The following PGS1 variants were observed in gnomAD, a reference collection of about 807,000 sequenced individuals.
The protein encoded by PGS1 is phosphatidylglycerophosphate synthase 1, also known as CDP-diacylglycerol--glycerol-3-phosphate 3-phosphatidyltransferase, mitochondrial.
PGS1 carries 44 observed loss-of-function variants against 58.3 expected under a neutral mutation model. The ratio of observed to expected loss-of-function variants is 0.75; its 90% CI spans 0.59 to 0.97. The LOEUF (loss-of-function observed/expected upper bound fraction) is 0.97, where lower values mean the gene tolerates loss of function less well. PGS1 is among the 50% of genes least tolerant of loss of function. The probability of loss-of-function intolerance (pLI) is 0.00; values close to 1 mark genes in which losing one functional copy is unlikely to be tolerated. For synonymous variants in PGS1, 330 were observed against 311.0 expected (o/e 1.06, Z -0.64); for missense variants, 684 against 731.1 (o/e 0.94, Z 0.74).
At chr17:78,423,934 G>C (rs753334032) in intron 9 of PGS1, 127 bp from the exon 10 acceptor site, 36 of 1,613,868 alleles carry the variant, frequency 2.2e-5, no homozygotes, top group Admixed American at 1.0e-4. Flanking sequence ...CGCCACGGCT[G>C]CCAGGATCCA....
chr17:78,420,301 G>C lies in PGS1; in HGVS notation c.*10+626G>C. On this transcript the variant is annotated intron_variant, in intron 9 of 9. Coordinates refer to ENST00000262764, the MANE Select transcript of PGS1 (RefSeq NM_024419.5). The stretch of plus-strand genomic sequence containing the variant: ...GCCTGCCGCTTCACCAGAGGCACCA[G>C]TGGGGTCCCACAGTCACCTGAGGTA... The C allele has an allele frequency of 4.6e-6, 4 of 874,272 alleles. No homozygotes were observed. The Admixed American group carries it at 1.8e-4, about 39-fold the overall frequency. The allele number at this position is 874,272 out of a possible 1,614,324, so 54.2% of individuals were successfully genotyped here.
At chr17:78,403,427 C>T (rs1252746323) in intron 6 of PGS1, 141 bp from the exon 7 acceptor site, 38 of 938,154 alleles carry the variant, frequency 4.1e-5, no homozygotes, top group Non-Finnish European at 4.4e-5. Context: ...GGCTTGGGGT[C>T]CTGGGCCCAC....
chr17:78,384,963 C>T (rs1030323574), intron 1 of PGS1, among the ~76,000 whole-genome samples: 9 of 152,178 alleles, frequency 5.9e-5, no homozygotes, highest in African/African-American at 1.4e-4. Context: ...AGCGGGCGCC[C>T]GGTAGGGCCT....
intron 9 of PGS1, chr17:78,421,384 G>A (rs1164546758): frequency 5.4e-5 from 4 of 74,276 alleles, no homozygotes; most frequent in African/African-American, 8.4e-5. Context: ...TTTCCCTCCC[G>A]AGGGCTGGCA....
At chr17:78,395,681 T>C (rs1289866129) in intron 2 of PGS1, among the ~76,000 whole-genome samples, 2 of 152,224 alleles carry the variant, frequency 1.3e-5, no homozygotes, top group Non-Finnish European at 2.9e-5. Flanking sequence ...CCTGTCCATC[T>C]ATGTTTCAAG....
In PGS1 at chr17:78,385,147, C is replaced by A. The variant is rs375812824; in HGVS notation, c.143+6339C>A. 1.4e-3 allele frequency among the ~76,000 whole-genome samples: 216 copies of A among 152,336 alleles called. 2 individuals carry two copies. The highest frequency in any genetic ancestry group is 4.8e-3 in the African/African-American group (200 of 41,576). ...TTTCTTTCTTTTTCTGAGATGGAGT[C>A]TTGCTCTGTCGCCCAGGCTGGAGTG... On this transcript the variant is annotated intron_variant, in intron 1 of 9. Transcript: ENST00000262764.
At chr17:78,409,441 A>G (rs539598298) in intron 7 of PGS1, among the ~76,000 whole-genome samples, 89 of 152,350 alleles carry the variant, frequency 5.8e-4, no homozygotes, top group African/African-American at 2.0e-3. Flanking sequence ...TGATAGGCCA[A>G]TTGGCGTTCT....
chr17:78,420,491 T>G (rs2085623536), intron 9 of PGS1: 1 of 152,518 alleles, frequency 6.6e-6, no homozygotes, highest in Non-Finnish European at 1.5e-5. Context: ...CTGGATGTTG[T>G]GGGTAGTTCT....
Position 78,418,145 on chromosome 17 carries a change from G to T in PGS1, c.1552-1401G>T, listed in dbSNP as rs185237931. The stretch of plus-strand genomic sequence containing the variant: ...GGGTTTAATCACGTTGGCCAGGCTG[G>T]TCTCGAACTCCTGACCTCAAGTGAT... On this transcript the variant is annotated intron_variant, in intron 8 of 9. Coordinates refer to ENST00000262764, the MANE Select transcript of PGS1 (RefSeq NM_024419.5). Among the ~76,000 whole-genome samples, 1,102 of 152,056 alleles carry T rather than the reference G, an allele frequency of 7.2e-3. 7 individuals are homozygous for T. The highest frequency in any genetic ancestry group is 0.011 in the Non-Finnish European group (760 of 67,978).
chr17:78,399,515 G>C lies in PGS1; in HGVS notation c.679G>C (p.Asp227His). Residue 227 changes from aspartate to histidine, a missense_variant, in exon 5 of 10, where the codon GAC becomes CAC. Coordinates refer to ENST00000262764, the MANE Select transcript of PGS1 (RefSeq NM_024419.5). ...CCAGCACATTAAGGTGTACCTCTTC[G>C]ACAACAGCGTCATCTTGAGCGGGTG... ...GLQHIKVYLF[D>H]NSVILSGANL... 6.2e-7 allele frequency: 1 copy of C among 1,614,132 alleles called. No individual in the cohort carries two copies. Among genetic ancestry groups the C allele is most frequent in the Non-Finnish European group, 8.5e-7 (1 of 1,180,042 alleles).
intron 3 of PGS1, 57 bp from the exon 4 acceptor site, chr17:78,398,195 T>G (rs1010833247): frequency 5.2e-5 from 68 of 1,296,302 alleles, no homozygotes; most frequent in Middle Eastern, 1.8e-4. Flanking sequence ...TTGTTTTTCT[T>G]TAAATACACA....
chr17:78,406,406 C>T (rs925513813), intron 7 of PGS1, among the ~76,000 whole-genome samples: 4 of 152,218 alleles, frequency 2.6e-5, no homozygotes, highest in East Asian at 1.9e-4. Context: ...GTTTAAAAAA[C>T]GCCCCTAGGA....
chr17:78,379,655 C>G (rs1047637409), intron 1 of PGS1, among the ~76,000 whole-genome samples: 20 of 151,996 alleles, frequency 1.3e-4, no homozygotes, highest in African/African-American at 4.6e-4. Flanking sequence ...GTGAAACCGT[C>G]TCTACTAAAA....
intron 1 of PGS1, among the ~76,000 whole-genome samples, chr17:78,385,187 C>T (rs554634488): frequency 2.7e-4 from 41 of 152,232 alleles, no homozygotes; most frequent in African/African-American, 8.7e-4. Flanking sequence ...GGCGCAATCT[C>T]GGCTCACTGC....
In PGS1 at chr17:78,389,119, A is replaced by AT. The variant is rs143971337; in HGVS notation, c.144-3356dup. ...CCTCTCTCACCCAGGTTGGAGTGCAATGGTGTGATCTCGGCTCACTGCAAC... is the reference window on the plus strand; with the variant it reads ...CCTCTCTCACCCAGGTTGGAGTGCAATTGGTGTGATCTCGGCTCACTGCAAC... On this transcript the variant is annotated intron_variant, in intron 1 of 9. Transcript: ENST00000262764. Among the ~76,000 whole-genome samples the AT allele has an allele frequency of 8.1e-3, 1,105 of 136,408 alleles. 34 individuals carry two copies. The highest frequency in any genetic ancestry group is 0.055 in the East Asian group (259 of 4,704). The allele number at this position is 136,408 out of a possible 152,430, so 89.5% of individuals were successfully genotyped here.
chr17:78,391,974 A>G (rs1420562115), intron 1 of PGS1, among the ~76,000 whole-genome samples: 21 of 152,218 alleles, frequency 1.4e-4, no homozygotes, highest in Admixed American at 1.3e-3. Context: ...GCTTCCTTGA[A>G]TAGAAATCTT....
At chr17:78,419,042 CTT>C (rs1341194254) in intron 8 of PGS1, among the ~76,000 whole-genome samples, 2 of 151,888 alleles carry the variant, frequency 1.3e-5, no homozygotes, top group East Asian at 3.9e-4. Context: ...CAAGGTCTCA[CTT>C]TGCCACCCAG....
chr17:78,389,020 T>C (rs1351636590), intron 1 of PGS1, among the ~76,000 whole-genome samples: 1 of 151,344 alleles, frequency 6.6e-6, no homozygotes, highest in African/African-American at 2.4e-5. Context: ...CTCTCCTGGG[T>C]TGCTATGTGC....
intron 1 of PGS1, among the ~76,000 whole-genome samples, chr17:78,380,027 C>T (rs915962790): frequency 2.0e-4 from 30 of 151,802 alleles, no homozygotes; most frequent in Middle Eastern, 3.4e-3. Context: ...CCACCACACC[C>T]GGCTAATTTT....
Sources: allele counts gnomAD v4.1 joint callset (sites outside exome capture counted in the v4.1 genomes callset), GRCh38; gene constraint gnomAD v4.1.1; transcripts MANE v1.5; gene names NCBI Gene and HGNC (gene_info 2026-07-23, HGNC 2026-07-21).